The following LINGO2 variants were observed in gnomAD, a reference collection of about 807,000 sequenced individuals.
LINGO2 encodes leucine rich repeat and Ig domain containing 2, also known as leucine-rich repeat and immunoglobulin-like domain-containing nogo receptor-interacting protein 2.
Under a neutral mutation model 30.6 loss-of-function variants are expected in LINGO2, and 14 were observed. The ratio of observed to expected loss-of-function variants is 0.46; its 90% CI spans 0.30 to 0.72. The LOEUF (loss-of-function observed/expected upper bound fraction) is 0.72, where lower values mean the gene tolerates loss of function less well. Among genes scored for constraint, LINGO2 ranks in the 30% least tolerant of loss-of-function variants. The probability of loss-of-function intolerance (pLI) is 0.07; values close to 1 mark genes in which losing one functional copy is unlikely to be tolerated. For synonymous variants in LINGO2, 317 were observed against 288.5 expected (o/e 1.10, Z -1.00); for missense variants, 729 against 751.7 (o/e 0.97, Z 0.35).
At chr9:28,479,296 T>G (rs1825841520) in intron 1 of LINGO2, among the ~76,000 whole-genome samples, 1 of 151,972 alleles carries the variant, frequency 6.6e-6, no homozygotes, top group Admixed American at 6.6e-5. Context: ...AATTTAATTT[T>G]TTTTTAAAGA....
intron 4 of LINGO2, among the ~76,000 whole-genome samples, chr9:28,137,573 A>G (rs1827553700): frequency 6.6e-6 from 1 of 151,972 alleles, no homozygotes; most frequent in Non-Finnish European, 1.5e-5. Flanking sequence ...GAACCTTGTA[A>G]TGACTTTATA....
intron 1 of LINGO2, among the ~76,000 whole-genome samples, chr9:28,603,803 G>A (rs1166278156): frequency 6.6e-6 from 1 of 151,986 alleles, no homozygotes; most frequent in Non-Finnish European, 1.5e-5. Flanking sequence ...ATAGTTCCTA[G>A]TGTTTTTGAT....
At chr9:28,659,152 T>G (rs945529712) in intron 1 of LINGO2, among the ~76,000 whole-genome samples, 3 of 152,074 alleles carry the variant, frequency 2.0e-5, no homozygotes, top group Non-Finnish European at 1.5e-5. Context: ...AATATAGCAC[T>G]GACACTAACT....
At chr9:28,776,263 T>A in the LINGO2 span, among the ~76,000 whole-genome samples, 1 of 148,558 alleles carries the variant, frequency 6.7e-6, no homozygotes. Context: ...AAGGAGGCTA[T>A]CACAATTTTT....
intron 4 of LINGO2, among the ~76,000 whole-genome samples, chr9:28,208,438 T>A (rs947217378): frequency 6.6e-6 from 1 of 152,116 alleles, no homozygotes; most frequent in South Asian, 2.1e-4. Flanking sequence ...ATAACTGCAA[T>A]CTGCTATTTA....
chr9:28,553,054 T>C (rs1301120310), intron 1 of LINGO2, among the ~76,000 whole-genome samples: 1 of 151,986 alleles, frequency 6.6e-6, no homozygotes, highest in African/African-American at 2.4e-5. Flanking sequence ...TTCAAATATC[T>C]AATAATCCTT....
At chr9:28,917,336 A>G in the LINGO2 span, among the ~76,000 whole-genome samples, 1 of 151,878 alleles carries the variant, frequency 6.6e-6, no homozygotes. Context: ...CCTCTGTTTT[A>G]TTGCTTCTCA....
chr9:29,194,918 T>C, the LINGO2 span, among the ~76,000 whole-genome samples: 2 of 152,328 alleles, frequency 1.3e-5, no homozygotes, highest in East Asian at 1.9e-4. Context: ...TTTAGTTCTA[T>C]ACACCTTTAT....
At chr9:28,807,216 G>A in the LINGO2 span, among the ~76,000 whole-genome samples, 1 of 151,800 alleles carries the variant, frequency 6.6e-6, no homozygotes, top group Non-Finnish European at 1.5e-5. Flanking sequence ...GTAGAGACGG[G>A]GTTTCACTGT....
intron 4 of LINGO2, among the ~76,000 whole-genome samples, chr9:28,251,787 A>G (rs1299125906): frequency 6.6e-6 from 1 of 152,182 alleles, no homozygotes; most frequent in Non-Finnish European, 1.5e-5. Flanking sequence ...AAAAAAAACT[A>G]TTACATACAG....
At chr9:29,008,131 G>T in the LINGO2 span, among the ~76,000 whole-genome samples, 2 of 152,162 alleles carry the variant, frequency 1.3e-5, no homozygotes, top group South Asian at 2.1e-4. Flanking sequence ...CTGTGTCCAA[G>T]TGTTCTCATT....
the LINGO2 span, among the ~76,000 whole-genome samples, chr9:28,698,353 A>C: frequency 6.6e-6 from 1 of 152,034 alleles, no homozygotes; most frequent in Admixed American, 6.6e-5. Context: ...TATTCAAAAA[A>C]ATTATCATAT....
At chr9:29,195,416 A>G in the LINGO2 span, among the ~76,000 whole-genome samples, 13 of 151,788 alleles carry the variant, frequency 8.6e-5, no homozygotes, top group African/African-American at 2.4e-4. Flanking sequence ...TGAGAATCCA[A>G]TTTCTGGGTC....
intron 4 of LINGO2, among the ~76,000 whole-genome samples, chr9:28,083,063 T>C (rs140402338): frequency 2.6e-5 from 4 of 152,294 alleles, no homozygotes; most frequent in African/African-American, 7.2e-5. Context: ...GATTCTCTAC[T>C]AAATTGACGG....
chr9:29,141,531 A>C, the LINGO2 span, among the ~76,000 whole-genome samples: 1 of 151,930 alleles, frequency 6.6e-6, no homozygotes, highest in African/African-American at 2.4e-5. Flanking sequence ...GACAGAAAAC[A>C]ATTAAGAAAA....
intron 1 of LINGO2, among the ~76,000 whole-genome samples, chr9:28,566,011 C>CT (rs1040748255): frequency 6.6e-6 from 1 of 152,028 alleles, no homozygotes; most frequent in African/African-American, 2.4e-5. Context: ...TTTTGTGAAA[C>CT]TTTTTTTCAT....
At chr9:28,067,504 G>T (rs78967019) in intron 4 of LINGO2, among the ~76,000 whole-genome samples, 4,326 of 152,268 alleles carry the variant, frequency 0.028, 123 homozygotes, top group Admixed American at 0.081. Context: ...TTGAACATGT[G>T]TTGAGAACCT....
At chr9:28,510,118 T>C (rs1293722173) in intron 1 of LINGO2, among the ~76,000 whole-genome samples, 1 of 152,180 alleles carries the variant, frequency 6.6e-6, no homozygotes, top group Admixed American at 6.5e-5. Flanking sequence ...AATATACTTG[T>C]GGAAAGTGAG....
intron 2 of LINGO2, among the ~76,000 whole-genome samples, chr9:28,435,691 C>T (rs1823894091): frequency 6.6e-6 from 1 of 152,138 alleles, no homozygotes; most frequent in South Asian, 2.1e-4. Flanking sequence ...TGACAATATC[C>T]CTTCCTGGTT....
Sources: gnomAD v4.1 joint callset for allele counts (sites outside exome capture counted in the v4.1 genomes callset) on GRCh38, gnomAD v4.1.1 for gene constraint, MANE v1.5 for transcripts, NCBI Gene and HGNC (gene_info 2026-07-23, HGNC 2026-07-21) for gene names.